The following DLG2 variants were observed in gnomAD, a reference collection of about 807,000 sequenced individuals.
DLG2 encodes the protein discs large MAGUK scaffold protein 2.
DLG2 carries 45 observed loss-of-function variants against 132.5 expected under a neutral mutation model. That is an observed-to-expected ratio of 0.34 (90% CI 0.27 to 0.44). The LOEUF is 0.44. DLG2 is among the 20% of genes least tolerant of loss of function. The pLI, the probability that DLG2 is intolerant of heterozygous loss-of-function variation, is 1.00. For missense variants in DLG2, 1,045 were observed against 1,196.9 expected, an observed-to-expected ratio of 0.87 and a Z score of 1.87; for synonymous variants, 424 against 419.6, an observed-to-expected ratio of 1.01 and a Z score of -0.13.
intron 6 of DLG2, among the ~76,000 whole-genome samples, chr11:84,839,244 T>C (rs2080252537): frequency 6.6e-6 from 1 of 152,082 alleles, no homozygotes; most frequent in African/African-American, 2.4e-5. Flanking sequence ...CCATTCACAA[T>C]TGCTGCAAAG....
At chr11:84,383,582 G>T (rs2098756733) in intron 7 of DLG2, among the ~76,000 whole-genome samples, 1 of 152,124 alleles carries the variant, frequency 6.6e-6, no homozygotes, top group Non-Finnish European at 1.5e-5. Context: ...CAGCCATGTT[G>T]TGAACTGCCT....
intron 18 of DLG2, among the ~76,000 whole-genome samples, chr11:83,753,954 G>T (rs922063868): frequency 1.4e-5 from 2 of 140,694 alleles, no homozygotes; most frequent in African/African-American, 5.5e-5. Flanking sequence ...TTAAATTATC[G>T]AATTACATGC....
At chr11:85,363,910 A>T (rs2084345489) in intron 3 of DLG2, among the ~76,000 whole-genome samples, 1 of 152,184 alleles carries the variant, frequency 6.6e-6, no homozygotes, top group East Asian at 1.9e-4. Context: ...ATCATTTCTC[A>T]TATGGTTTGC....
At chr11:84,423,156 T>C (rs1231976056) in intron 7 of DLG2, among the ~76,000 whole-genome samples, 3 of 152,118 alleles carry the variant, frequency 2.0e-5, no homozygotes, top group Non-Finnish European at 4.4e-5. Context: ...TTTGGTATGA[T>C]GAAAATTCTA....
intron 4 of DLG2, among the ~76,000 whole-genome samples, chr11:85,158,424 G>A (rs769068731): frequency 8.5e-5 from 13 of 152,202 alleles, no homozygotes; most frequent in Non-Finnish European, 1.9e-4. Flanking sequence ...TAGAGGAAGG[G>A]ATCCAAAGGC....
At chr11:83,694,053 G>A (rs2081449343) in intron 18 of DLG2, among the ~76,000 whole-genome samples, 2 of 152,170 alleles carry the variant, frequency 1.3e-5, no homozygotes, top group African/African-American at 4.8e-5. Flanking sequence ...TTCTTGACAA[G>A]CTTAATACAT....
rs553082526 is a variant in DLG2, at chr11:84,010,424, G to A, written c.920-29782C>T. On this transcript the variant is annotated intron_variant, in intron 11 of 27. Transcript: ENST00000376104. ...CTTCCTGCCTCAGCCTCCCAAGTCA[G>A]TGGGACTCCAGGTGCATACGACTAC... is the stretch of plus-strand genomic sequence containing the variant. 3.2e-4 allele frequency among the ~76,000 whole-genome samples: 49 copies of A among 151,978 alleles called. No homozygotes were observed. The South Asian group carries it at 4.8e-3, about 15-fold the overall frequency.
intron 4 of DLG2, among the ~76,000 whole-genome samples, chr11:85,222,101 G>C (rs1428722147): frequency 2.0e-5 from 3 of 151,938 alleles, no homozygotes; most frequent in African/African-American, 7.3e-5. Context: ...ACCACACCGA[G>C]CTAACATTTC....
In DLG2 at chr11:85,533,100, T is replaced by C. The variant is rs1203834690; in HGVS notation, c.40+65557A>G. Among the ~76,000 whole-genome samples, 7 of 152,178 alleles carry C rather than the reference T, an allele frequency of 4.6e-5. No homozygotes were observed. The South Asian group carries it at 6.2e-4, about 13-fold the overall frequency. On this transcript the variant is annotated intron_variant, in intron 3 of 27. Transcript: ENST00000376104. ...GTGCAATGGCATGATCTCAGCTCAC[T>C]GCAACCTCCCCCTCCCGGGTTCAAG...
chr11:85,530,407 G>C (rs866136758), intron 3 of DLG2, among the ~76,000 whole-genome samples: 1 of 149,932 alleles, frequency 6.7e-6, no homozygotes, highest in South Asian at 2.1e-4. Context: ...TGCAACCTCC[G>C]CCTCCCAGGT....
At chr11:85,620,511 C>A (rs1050628678) in intron 2 of DLG2, among the ~76,000 whole-genome samples, 10 of 152,146 alleles carry the variant, frequency 6.6e-5, no homozygotes, top group African/African-American at 2.2e-4. Context: ...CCCTCTTGCA[C>A]CAAATAGCCA....
At chr11:85,261,982 A>G (rs1170738174) in intron 4 of DLG2, among the ~76,000 whole-genome samples, 1 of 152,160 alleles carries the variant, frequency 6.6e-6, no homozygotes, top group Non-Finnish European at 1.5e-5. Context: ...GGGAGAGAGA[A>G]AAAAGTTCAT....
At chr11:85,374,896 A>T (rs1323067811) in intron 3 of DLG2, among the ~76,000 whole-genome samples, 1 of 152,142 alleles carries the variant, frequency 6.6e-6, no homozygotes, top group Non-Finnish European at 1.5e-5. Flanking sequence ...TGTTCTTAGG[A>T]GATATATACT....
intron 15 of DLG2, among the ~76,000 whole-genome samples, chr11:83,913,885 C>T (rs1256167546): frequency 6.6e-6 from 1 of 152,148 alleles, no homozygotes; most frequent in Non-Finnish European, 1.5e-5. Context: ...ATGCAGAATG[C>T]TCCACATGGG....
chr11:85,447,060 A>G (rs1464816669), intron 3 of DLG2, among the ~76,000 whole-genome samples: 1 of 152,150 alleles, frequency 6.6e-6, no homozygotes, highest in Admixed American at 6.6e-5. Flanking sequence ...AAAATCATAA[A>G]TAGAACCATT....
At position 84,293,967 on chromosome 11, in the gene DLG2, C is replaced by T. The variant is rs1283657934; in HGVS notation, c.520-42676G>A. On this transcript the variant is annotated intron_variant, in intron 7 of 27. Transcript: ENST00000376104. ...GTCTAACGCCATCTTTCCTTCCCTC[C>T]CTGGACCACGCATTGCCACCACCAG... Among the ~76,000 whole-genome samples the T allele has an allele frequency of 2.0e-5, 3 of 152,166 alleles. No individual in the cohort carries two copies. In the East Asian group the frequency reaches 5.8e-4, roughly 29 times the overall value.
At chr11:83,505,412 C>T (rs770375410) in intron 21 of DLG2, among the ~76,000 whole-genome samples, 2 of 152,120 alleles carry the variant, frequency 1.3e-5, no homozygotes, top group African/African-American at 2.4e-5. Context: ...GCCCATTGGG[C>T]GATGACAGGG....
At chr11:83,661,108 TCTC>T (rs1238943179) in intron 18 of DLG2, among the ~76,000 whole-genome samples, 1 of 152,048 alleles carries the variant, frequency 6.6e-6, no homozygotes, top group Non-Finnish European at 1.5e-5. Context: ...ATATACCAGT[TCTC>T]CTGCTTTGCC....
At chr11:84,858,029 A>G (rs118058116) in intron 6 of DLG2, among the ~76,000 whole-genome samples, 2 of 151,884 alleles carry the variant, frequency 1.3e-5, no homozygotes, top group East Asian at 3.9e-4. Context: ...AATAGCTGGG[A>G]CCACAGGTAC....
Sources: allele counts gnomAD v4.1 joint callset (sites outside exome capture counted in the v4.1 genomes callset), GRCh38; gene constraint gnomAD v4.1.1; transcripts MANE v1.5; gene names NCBI Gene and HGNC (gene_info 2026-07-23, HGNC 2026-07-21).